Variants in RAPGEF4 observed in about 807,000 individuals in gnomAD.
RAPGEF4 encodes the protein Rap guanine nucleotide exchange factor 4, also known as RAP guanine-nucleotide-exchange factor (GEF) 4.
Under a neutral mutation model 147.9 loss-of-function variants are expected in RAPGEF4, and 66 were observed. The ratio of observed to expected loss-of-function variants is 0.45; its 90% confidence interval spans 0.37 to 0.55. The LOEUF (loss-of-function observed/expected upper bound fraction) is 0.55, where lower values mean the gene tolerates loss of function less well. Among genes scored for constraint, RAPGEF4 ranks in the 20% least tolerant of loss-of-function variants. RAPGEF4 has a pLI of 0.00. For missense variants in RAPGEF4, 1,071 were observed against 1,257.3 expected (o/e 0.85, Z 2.24); for synonymous variants, 419 against 442.7 (o/e 0.95, Z 0.67).
chr2:173,049,120 C>T (rs967160969), intron 30 of RAPGEF4, among the ~76,000 whole-genome samples: 3 of 152,214 alleles, frequency 2.0e-5, no homozygotes, highest in East Asian at 1.9e-4. Flanking sequence ...ATAGCACATT[C>T]GTAAAAGGTC....
rs115972253 is a variant in RAPGEF4, at chr2:173,043,696, A to C, written c.2854-4904A>C. On this transcript the variant is annotated intron_variant, in intron 29 of 30. Transcript: ENST00000397081. ...ACTTGGCTGGCCTGCTCCTGAGGGG[A>C]GGACACCACAGAAGGGTGACGCCTG... Among the ~76,000 whole-genome samples, 713 of 152,330 alleles carry C rather than the reference A, an allele frequency of 4.7e-3. 4 individuals are homozygous for C. Among genetic ancestry groups the C allele is most frequent in the African/African-American group, 0.016 (657 of 41,572 alleles).
intron 13 of RAPGEF4, 93 bp from the exon 14 acceptor site, chr2:172,988,600 T>C (rs1692507586): frequency 5.1e-6 from 7 of 1,378,244 alleles, no homozygotes; most frequent in Non-Finnish European, 7.0e-6. Context: ...TTATCTACAA[T>C]GTTTTAGGGG....
chr2:172,959,594 CT>C (rs979031898), intron 6 of RAPGEF4, among the ~76,000 whole-genome samples: 27 of 152,180 alleles, frequency 1.8e-4, no homozygotes, highest in African/African-American at 6.3e-4. Flanking sequence ...TTCTTACCTT[CT>C]GGAAGTGGCA....
At chr2:172,850,874 A>G (rs908569810) in intron 4 of RAPGEF4, among the ~76,000 whole-genome samples, 1 of 151,984 alleles carries the variant, frequency 6.6e-6, no homozygotes, top group Non-Finnish European at 1.5e-5. Flanking sequence ...CTATCTTATT[A>G]ATTCTTTCAA....
chr2:172,804,024 A>G (rs1240982742), intron 3 of RAPGEF4, among the ~76,000 whole-genome samples: 1 of 152,098 alleles, frequency 6.6e-6, no homozygotes, highest in African/African-American at 2.4e-5. Flanking sequence ...AGTTCCTCCC[A>G]TGACATGTGG....
At chr2:172,805,909 C>T (rs1257815076) in intron 3 of RAPGEF4, among the ~76,000 whole-genome samples, 3 of 151,824 alleles carry the variant, frequency 2.0e-5, no homozygotes, top group African/African-American at 4.8e-5. Context: ...ATATTTTAAT[C>T]GATTTAGGGT....
At chr2:172,851,597 T>C (rs1225507680) in intron 4 of RAPGEF4, among the ~76,000 whole-genome samples, 2 of 152,182 alleles carry the variant, frequency 1.3e-5, no homozygotes, top group African/African-American at 2.4e-5. Flanking sequence ...ATATACACCA[T>C]GGAATACTAC....
At chr2:172,996,393 T>A in intron 15 of RAPGEF4, 73 bp from the exon 16 acceptor site, 1 of 814,586 alleles carries the variant, frequency 1.2e-6, no homozygotes, top group Non-Finnish European at 1.9e-6. Flanking sequence ...AAAAAAAAAC[T>A]TAGATAAGTA....
chr2:173,009,418 C>T (rs1314826712), intron 17 of RAPGEF4, among the ~76,000 whole-genome samples: 1 of 152,146 alleles, frequency 6.6e-6, no homozygotes, highest in African/African-American at 2.4e-5. Context: ...AGTGAGTTTA[C>T]GACCTCGTTC....
At chr2:172,814,454 A>G (rs746229684) in intron 4 of RAPGEF4, 29 bp downstream of exon 4, 1 of 1,612,590 alleles carries the variant, frequency 6.2e-7, no homozygotes, top group Non-Finnish European at 8.5e-7. Flanking sequence ...TTGTCAATTA[A>G]TGCAGTTTCA....
intron 10 of RAPGEF4, among the ~76,000 whole-genome samples, chr2:172,973,060 T>C (rs2105561873): frequency 6.6e-6 from 1 of 152,214 alleles, no homozygotes; most frequent in East Asian, 1.9e-4. Context: ...TGCATTCAGT[T>C]TGTGATCGTT....
At chr2:172,935,126 A>C (rs1575297841) in intron 6 of RAPGEF4, among the ~76,000 whole-genome samples, 1 of 152,186 alleles carries the variant, frequency 6.6e-6, no homozygotes, top group South Asian at 2.1e-4. Context: ...GCAGTGAGCC[A>C]AGATGGTACC....
chr2:172,924,694 G>C (rs1392045115), intron 6 of RAPGEF4, among the ~76,000 whole-genome samples: 1 of 152,210 alleles, frequency 6.6e-6, no homozygotes, highest in Non-Finnish European at 1.5e-5. Flanking sequence ...CCTTAAAGTG[G>C]TGTTAATTGA....
chr2:173,018,094 C>T (rs1695672550), intron 21 of RAPGEF4, among the ~76,000 whole-genome samples: 1 of 152,184 alleles, frequency 6.6e-6, no homozygotes, highest in Non-Finnish European at 1.5e-5. Flanking sequence ...GGAATTGCTC[C>T]CAGGATTTTT....
At chr2:172,919,089 T>G (rs1176298432) in intron 5 of RAPGEF4, among the ~76,000 whole-genome samples, 1 of 152,156 alleles carries the variant, frequency 6.6e-6, no homozygotes, top group Non-Finnish European at 1.5e-5. Flanking sequence ...GTTCTTGCTT[T>G]CTTTCTCTCC....
chr2:172,820,161 T>C (rs1009343116), intron 4 of RAPGEF4, among the ~76,000 whole-genome samples: 1 of 152,186 alleles, frequency 6.6e-6, no homozygotes, highest in Non-Finnish European at 1.5e-5. Flanking sequence ...ATACATGAAA[T>C]TGAATGAGGT....
intron 10 of RAPGEF4, among the ~76,000 whole-genome samples, 184 bp downstream of exon 10, chr2:172,967,628 A>G (rs1689989788): frequency 6.6e-6 from 1 of 152,230 alleles, no homozygotes; most frequent in Non-Finnish European, 1.5e-5. Context: ...TGTTTGATCC[A>G]GATGGCTCCA....
chr2:172,868,902 G>T (rs1694920820), intron 4 of RAPGEF4, among the ~76,000 whole-genome samples: 1 of 152,182 alleles, frequency 6.6e-6, no homozygotes. Flanking sequence ...GGTGAAGGGG[G>T]AGCAGGCATG....
Position 172,803,948 on chromosome 2 carries a change from C to A in RAPGEF4, c.297+6335C>A, listed in dbSNP as rs558257555. Among the ~76,000 whole-genome samples, 5 of 152,290 alleles carry A rather than the reference C, an allele frequency of 3.3e-5. No homozygotes were observed. The South Asian group carries it at 1.0e-3, about 32-fold the overall frequency. On this transcript the variant is annotated intron_variant, in intron 3 of 30. Coordinates refer to ENST00000397081, the MANE Select transcript of RAPGEF4 (RefSeq NM_007023.4). ...CCAGTTCCCAACAAGTTCCTCATCT[C>A]CATCTGAGACTATCATGAGAACAGT...
Sources: allele counts gnomAD v4.1 joint callset (sites outside exome capture counted in the v4.1 genomes callset), GRCh38; gene constraint gnomAD v4.1.1; transcripts MANE v1.5; gene names NCBI Gene and HGNC (gene_info 2026-07-23, HGNC 2026-07-21).